PIGP: variants seen among roughly 807,000 people sequenced by gnomAD.
PIGP encodes phosphatidylinositol N-acetylglucosaminyltransferase subunit P.
A neutral mutation model predicts 16.9 loss-of-function variants in PIGP; 12 were observed. The ratio of observed to expected loss-of-function variants is 0.71; its 90% CI spans 0.46 to 1.15. The LOEUF is 1.15. Ranked by LOEUF, PIGP falls within the 50% of genes most tolerant of loss-of-function variation. The pLI, the probability that PIGP is intolerant of heterozygous loss-of-function variation, is 0.00. For synonymous variants in PIGP, 57 were observed against 54.7 expected, an observed-to-expected ratio of 1.04 and a Z score of -0.18; for missense variants, 159 against 153.5, an observed-to-expected ratio of 1.04 and a Z score of -0.19.
chr21:37,070,437 G>A (rs935957556), intron 2 of PIGP, among the ~76,000 whole-genome samples: 1 of 152,164 alleles, frequency 6.6e-6, no homozygotes, highest in Admixed American at 6.5e-5. Flanking sequence ...AAATCTAGTG[G>A]TGAATAGAGA....
intron 1 of PIGP, 66 bp from the exon 2 acceptor site, chr21:37,072,603 T>C (rs1196803137): frequency 3.7e-6 from 6 of 1,606,098 alleles, no homozygotes; most frequent in Non-Finnish European, 5.1e-6. Flanking sequence ...CATTCTCGCC[T>C]CCTCGCTCCG....
chr21:37,067,028 T>C (rs1488166652), intron 4 of PIGP, among the ~76,000 whole-genome samples: 10 of 149,922 alleles, frequency 6.7e-5, no homozygotes, highest in African/African-American at 2.5e-4. Flanking sequence ...TCTTTTAGGA[T>C]GGAGTTTCAC....
intron 1 of PIGP, 87 bp downstream of exon 1, chr21:37,072,913 A>G: frequency 3.5e-6 from 1 of 288,848 alleles, no homozygotes; most frequent in Admixed American, 5.1e-5. Flanking sequence ...GGAGACTTCT[A>G]TTTCTCATTC....
rs2069965094 is a variant in PIGP at position 37,069,612 on chromosome 21, A to G, written c.95T>C (p.Val32Ala). Residue 32 changes from valine to alanine, a missense_variant, in exon 3 of 5, where the codon GTG becomes GCG. Physicochemically the swap from Val to Ala is moderately conservative, Grantham distance 64 (BLOSUM62 0). Coordinates refer to ENST00000360525, the MANE Select transcript of PIGP (RefSeq NM_153682.3). ...CCAAGATTCAGGAATAAAGGCCCAC[A>G]CGAGGTAAAGTACTGTAGAAAAGAA... Reference protein sequence around the residue: ...SSQFGFILYLVWAFIPESWLN... With the variant: ...SSQFGFILYLAWAFIPESWLN... The G allele has an allele frequency of 1.3e-6, 2 of 1,567,338 alleles. No individual in the cohort carries two copies. The highest frequency in any genetic ancestry group is 8.7e-7 in the Non-Finnish European group (1 of 1,153,064).
intron 2 of PIGP, among the ~76,000 whole-genome samples, chr21:37,070,107 T>C (rs999568394): frequency 2.6e-5 from 4 of 152,316 alleles, no homozygotes; most frequent in East Asian, 1.9e-4. Context: ...TTTACTGTTA[T>C]CCCACGATAA....
chr21:37,071,225 T>G (rs2070001252), intron 2 of PIGP, among the ~76,000 whole-genome samples: 1 of 152,196 alleles, frequency 6.6e-6, no homozygotes, highest in African/African-American at 2.4e-5. Flanking sequence ...TTTACATAAA[T>G]TACCCCCGTT....
At chr21:37,067,502 A>T (rs2069927374) in intron 3 of PIGP, 122 bp from the exon 4 acceptor site, 1 of 603,468 alleles carries the variant, frequency 1.7e-6, no homozygotes, top group Admixed American at 2.7e-5. Context: ...TGTGTACATA[A>T]GAGACAAATA....
At chr21:37,072,603 T>A in intron 1 of PIGP, 66 bp from the exon 2 acceptor site, 2 of 1,606,098 alleles carry the variant, frequency 1.2e-6, no homozygotes, top group Non-Finnish European at 1.7e-6. Flanking sequence ...CATTCTCGCC[T>A]CCTCGCTCCG....
intron 2 of PIGP, chr21:37,072,187 G>T: frequency 1.3e-6 from 2 of 1,520,390 alleles, no homozygotes; most frequent in Non-Finnish European, 1.8e-6. Context: ...TTAAGGGCAG[G>T]GACCAGGCTT....
chr21:37,067,214 T>C, intron 4 of PIGP, 48 bp downstream of exon 4: 1 of 1,068,522 alleles, frequency 9.4e-7, no homozygotes, highest in Non-Finnish European at 1.5e-6. Flanking sequence ...AAAGTGCTAA[T>C]ACTCCACTCT....
At chr21:37,072,717 C>G (rs1601138545) in intron 1 of PIGP, 180 bp from the exon 2 acceptor site, 1 of 968,272 alleles carries the variant, frequency 1.0e-6, no homozygotes, top group Non-Finnish European at 1.5e-6. Flanking sequence ...GCGCGCGCCC[C>G]GCAACAGAAG....
In PIGP at chr21:37,065,673, T is replaced by C. The variant is rs970730031; in HGVS notation, c.314A>G (p.Glu105Gly). ...ATCTCTTAAGGCTGGAATGGCCTCC[T>C]CTTGGTATTTCTTCTGCTGTTGATT... ...AKNQQQKKYQ[E>G]EAIPALRDIS... is the part of the protein sequence containing the mutation. The change falls in exon 5 of 5, where the codon GAG (glutamate) becomes GGG (glycine). Residue 105 changes from glutamate to glycine, a missense_variant. Physicochemically the swap from Glu to Gly is moderately conservative, Grantham distance 98 (BLOSUM62 -2). Coordinates refer to ENST00000360525, the MANE Select transcript of PIGP (RefSeq NM_153682.3). The C allele has an allele frequency of 1.9e-6, 3 of 1,613,466 alleles. No homozygotes were observed. Among genetic ancestry groups the C allele is most frequent in the Middle Eastern group, 1.7e-4 (1 of 6,040 alleles).
intron 4 of PIGP, among the ~76,000 whole-genome samples, chr21:37,066,667 A>G (rs2069908755): frequency 6.6e-6 from 1 of 152,056 alleles, no homozygotes; most frequent in Non-Finnish European, 1.5e-5. Flanking sequence ...GAGGATACAC[A>G]CCCCCAAAGT....
chr21:37,066,293 T>A (rs1011401295), intron 4 of PIGP, among the ~76,000 whole-genome samples: 11 of 152,148 alleles, frequency 7.2e-5, no homozygotes, highest in Admixed American at 6.5e-4. Context: ...GGCAAAACTA[T>A]TAAATCATTT....
chr21:37,066,064 C>T (rs1225158792), intron 4 of PIGP, among the ~76,000 whole-genome samples: 1 of 151,406 alleles, frequency 6.6e-6, no homozygotes, highest in African/African-American at 2.4e-5. Flanking sequence ...GCCTGGGTGA[C>T]AGAGCGAGAC....
chr21:37,072,749 G>T, intron 1 of PIGP: 1 of 705,388 alleles, frequency 1.4e-6, no homozygotes, highest in Admixed American at 2.9e-5. Flanking sequence ...GATAGGGCAG[G>T]GAGGGGGGTT....
In PIGP at chr21:37,072,437, A is replaced by G; in HGVS notation, c.79T>C (p.Phe27Leu). 3 of 1,614,224 alleles carry G rather than the reference A, an allele frequency of 1.9e-6. No individual in the cohort carries two copies. Among genetic ancestry groups the G allele is most frequent in the East Asian group, 2.2e-5 (1 of 44,892 alleles). Residue 27 changes from phenylalanine to leucine, a missense_variant, in exon 2 of 5, where the codon TTC (phenylalanine) becomes CTC (leucine). Physicochemically the swap from Phe to Leu is conservative, Grantham distance 22. Coordinates refer to ENST00000360525, the MANE Select transcript of PIGP (RefSeq NM_153682.3). ...FVLFLSSQFG[F>L]ILYLVWAFIP... ...CATCCATCAGGAAAGTACTTACTGAAGCCAAATTGGGAGCTTAAGAAAAGA... is the reference window on the plus strand; with the variant it reads ...CATCCATCAGGAAAGTACTTACTGAGGCCAAATTGGGAGCTTAAGAAAAGA...
In PIGP at chr21:37,069,586, G is replaced by T. The variant is rs1208235848; in HGVS notation, c.121C>A (p.Leu41Ile). Residue 41 changes from leucine to isoleucine, a missense_variant, in exon 3 of 5, where the codon CTA becomes ATA. Coordinates refer to ENST00000360525, the MANE Select transcript of PIGP (RefSeq NM_153682.3). ...LVWAFIPESW[L>I]NSLGLTYWPQ... ...CAATAGGTTAAACCTAAAGAGTTTAGCCAAGATTCAGGAATAAAGGCCCAC... is the reference window on the plus strand; with the variant it reads ...CAATAGGTTAAACCTAAAGAGTTTATCCAAGATTCAGGAATAAAGGCCCAC... 6.4e-7 allele frequency: 1 copy of T among 1,569,386 alleles called. No homozygotes were observed. Among genetic ancestry groups the T allele is most frequent in the Non-Finnish European group, 8.7e-7 (1 of 1,154,226 alleles).
At position 37,065,714 on chromosome 21, in the gene PIGP, T is replaced by C. The variant is rs2069891291; in HGVS notation, c.275-2A>G. 6.2e-7 allele frequency: 1 copy of C among 1,612,346 alleles called. No homozygotes were observed. Among genetic ancestry groups the C allele is most frequent in the African/African-American group, 1.3e-5 (1 of 74,976 alleles). ...GCTGTTGATTTTTTGCATAGTTATC[T>C]GTAAGAAAAGACCAAAAAGCTCTGT... On this transcript the variant is annotated splice_acceptor_variant, in intron 4 of 4. Transcript: ENST00000360525. LOFTEE classifies it high-confidence loss of function.
Sources: gnomAD v4.1 joint callset for allele counts (sites outside exome capture counted in the v4.1 genomes callset) on GRCh38, gnomAD v4.1.1 for gene constraint, MANE v1.5 for transcripts, NCBI Gene and HGNC (gene_info 2026-07-23, HGNC 2026-07-21) for gene names.